The following SLC9A9 variants were observed in gnomAD, a reference collection of about 807,000 sequenced individuals.
The protein encoded by SLC9A9 is solute carrier family 9 member A9.
SLC9A9 carries 62 observed loss-of-function variants against 77.8 expected under a neutral mutation model. That is an observed-to-expected ratio of 0.80 (90% CI 0.65 to 0.98). The LOEUF is 0.98. Ranked by LOEUF, SLC9A9 falls within the 50% of genes least tolerant of loss-of-function variation. SLC9A9 has a pLI of 0.00. For synonymous variants in SLC9A9, 320 were observed against 283.5 expected (o/e 1.13, Z -1.29); for missense variants, 775 against 774.9 (o/e 1.00, Z 0.00).
At chr3:143,613,899 A>C (rs2038062235) in intron 6 of SLC9A9, among the ~76,000 whole-genome samples, 1 of 152,190 alleles carries the variant, frequency 6.6e-6, no homozygotes, top group Admixed American at 6.5e-5. Context: ...TCCATTCTAG[A>C]AAAAAATAGC....
At chr3:143,399,043 A>G (rs2033792820) in intron 12 of SLC9A9, among the ~76,000 whole-genome samples, 1 of 152,130 alleles carries the variant, frequency 6.6e-6, no homozygotes, top group South Asian at 2.1e-4. Flanking sequence ...ATGCACATAT[A>G]TATCTATATT....
At chr3:143,388,746 G>T (rs1020639377) in intron 12 of SLC9A9, among the ~76,000 whole-genome samples, 1 of 152,176 alleles carries the variant, frequency 6.6e-6, no homozygotes, top group African/African-American at 2.4e-5. Context: ...TCAATGATAG[G>T]ATTCCTGCCA....
intron 4 of SLC9A9, among the ~76,000 whole-genome samples, chr3:143,788,440 C>G (rs2008119656): frequency 6.6e-6 from 1 of 152,094 alleles, no homozygotes. Flanking sequence ...CCTGTAATCC[C>G]AGCACTTTGG....
intron 5 of SLC9A9, among the ~76,000 whole-genome samples, chr3:143,661,495 C>A (rs2038977863): frequency 6.6e-6 from 1 of 152,122 alleles, no homozygotes; most frequent in African/African-American, 2.4e-5. Context: ...TCCAAGTGCT[C>A]CCCTCCTTTG....
intron 9 of SLC9A9, among the ~76,000 whole-genome samples, chr3:143,550,170 C>T (rs2036855267): frequency 6.6e-6 from 1 of 152,122 alleles, no homozygotes; most frequent in Admixed American, 6.5e-5. Context: ...TTCTGGAGGG[C>T]TTCAAAGTAA....
At chr3:143,709,897 G>C (rs1264196608) in intron 4 of SLC9A9, among the ~76,000 whole-genome samples, 1 of 152,054 alleles carries the variant, frequency 6.6e-6, no homozygotes, top group Non-Finnish European at 1.5e-5. Flanking sequence ...GTTTTTTAAG[G>C]ACAGAGATCC....
chr3:143,651,696 C>G (rs536513134), intron 6 of SLC9A9, among the ~76,000 whole-genome samples: 1 of 152,182 alleles, frequency 6.6e-6, no homozygotes, highest in Admixed American at 6.5e-5. Context: ...CTCATCCCCC[C>G]ACCCTAATAT....
At chr3:143,807,475 A>G (rs976390779) in intron 2 of SLC9A9, among the ~76,000 whole-genome samples, 1 of 152,128 alleles carries the variant, frequency 6.6e-6, no homozygotes, top group African/African-American at 2.4e-5. Context: ...AAAACAAACC[A>G]TTTTATTTCA....
In SLC9A9 at chr3:143,582,433, C is replaced by T. The variant is rs552209586; in HGVS notation, c.756-3710G>A. On this transcript the variant is annotated intron_variant, in intron 6 of 15. Coordinates refer to ENST00000316549, the MANE Select transcript of SLC9A9 (RefSeq NM_173653.4). ...CTCAGTGAATGTTATTTATCCTCAC[C>T]GTCATCATCATCATTCTGCTGAGAA... Among the ~76,000 whole-genome samples the T allele has an allele frequency of 1.7e-4, 26 of 152,192 alleles. No individual in the cohort carries two copies. The South Asian group carries it at 4.8e-3, about 28-fold the overall frequency.
At chr3:143,488,847 C>G (rs192893908) in intron 11 of SLC9A9, among the ~76,000 whole-genome samples, 1 of 151,904 alleles carries the variant, frequency 6.6e-6, no homozygotes, top group Non-Finnish European at 1.5e-5. Context: ...AAAATGCCCA[C>G]TTTGACCACT....
At chr3:143,652,516 C>G (rs2038814800) in intron 5 of SLC9A9, among the ~76,000 whole-genome samples, 156 bp from the exon 6 acceptor site, 1 of 152,042 alleles carries the variant, frequency 6.6e-6, no homozygotes, top group Non-Finnish European at 1.5e-5. Context: ...ATATCTGATG[C>G]TTAAGAGGCT....
intron 11 of SLC9A9, among the ~76,000 whole-genome samples, chr3:143,492,109 G>A (rs1021676254): frequency 1.3e-5 from 2 of 151,784 alleles, no homozygotes; most frequent in Non-Finnish European, 2.9e-5. Flanking sequence ...TGGCTAACAC[G>A]GTGAAACCCC....
chr3:143,743,225 GGATGGATGGATGGATGGATAGATAGATA>G (rs1224520694), intron 4 of SLC9A9, among the ~76,000 whole-genome samples: 5 of 128,490 alleles, frequency 3.9e-5, no homozygotes, highest in African/African-American at 6.2e-5. Flanking sequence ...ATGGATGGAT[GGATGGATGGATGGATGGATAGATAGATA>G]GATAGATAGA....
intron 2 of SLC9A9, among the ~76,000 whole-genome samples, chr3:143,820,821 T>TA (rs34107889): frequency 1.0e-5 from 1 of 95,356 alleles, no homozygotes; most frequent in Non-Finnish European, 2.9e-5. Flanking sequence ...TAATATTGGC[T>TA]ATTTTTTTTA....
chr3:143,341,128 C>T (rs1415107864), intron 14 of SLC9A9, among the ~76,000 whole-genome samples: 3 of 152,136 alleles, frequency 2.0e-5, no homozygotes, highest in Non-Finnish European at 4.4e-5. Flanking sequence ...TGATGAATTC[C>T]TTTCGCTGGA....
intron 9 of SLC9A9, among the ~76,000 whole-genome samples, chr3:143,526,938 G>C (rs1318445238): frequency 6.6e-6 from 1 of 152,116 alleles, no homozygotes; most frequent in East Asian, 1.9e-4. Flanking sequence ...GGGAACTGTG[G>C]ACTATATATA....
intron 8 of SLC9A9, among the ~76,000 whole-genome samples, chr3:143,554,210 G>A (rs934564356): frequency 2.6e-5 from 4 of 152,168 alleles, no homozygotes; most frequent in Admixed American, 1.3e-4. Flanking sequence ...AAAGGATAAG[G>A]AAGGGACTAA....
intron 12 of SLC9A9, among the ~76,000 whole-genome samples, chr3:143,415,290 T>C (rs1032894700): frequency 4.6e-5 from 7 of 152,232 alleles, no homozygotes; most frequent in African/African-American, 1.4e-4. Context: ...AGATTGTCAA[T>C]GTAGACAAAA....
chr3:143,517,504 A>G (rs996942644), intron 9 of SLC9A9: 9 of 1,597,484 alleles, frequency 5.6e-6, no homozygotes, highest in Non-Finnish European at 6.8e-6. Context: ...CTCGCTCTTC[A>G]CGTTTTCGCT....
Sources: allele counts gnomAD v4.1 joint callset (sites outside exome capture counted in the v4.1 genomes callset), GRCh38; gene constraint gnomAD v4.1.1; transcripts MANE v1.5; gene names NCBI Gene and HGNC (gene_info 2026-07-23, HGNC 2026-07-21).